The following MARCHF4 variants were observed in gnomAD, a reference collection of about 807,000 sequenced individuals.
MARCHF4 encodes membrane associated ring-CH-type finger 4, also known as E3 ubiquitin-protein ligase MARCHF4.
In MARCHF4, 14 loss-of-function variants were observed where a neutral mutation model predicts 43.9. The ratio of observed to expected loss-of-function variants is 0.32; its 90% CI spans 0.21 to 0.50. The LOEUF (loss-of-function observed/expected upper bound fraction) is 0.50. MARCHF4 is among the 20% of genes least tolerant of loss of function. The pLI, the probability that MARCHF4 is intolerant of heterozygous loss-of-function variation, is 0.98. For synonymous variants in MARCHF4, 226 were observed against 213.3 expected (o/e 1.06, Z -0.52); for missense variants, 468 against 536.7 (o/e 0.87, Z 1.27).
intron 1 of MARCHF4, among the ~76,000 whole-genome samples, chr2:216,318,334 G>A (rs1488982439): frequency 6.6e-6 from 1 of 152,252 alleles, no homozygotes; most frequent in Admixed American, 6.5e-5. Context: ...AACTGCTGTA[G>A]GGGACGGGGA....
chr2:216,317,011 G>A (rs1691788682), intron 1 of MARCHF4, among the ~76,000 whole-genome samples: 1 of 152,152 alleles, frequency 6.6e-6, no homozygotes, highest in African/African-American at 2.4e-5. Context: ...GCAAGGGAGG[G>A]AAAGGATGAG....
At chr2:216,340,483 A>G (rs984911812) in intron 1 of MARCHF4, among the ~76,000 whole-genome samples, 20 of 152,176 alleles carry the variant, frequency 1.3e-4, no homozygotes, top group South Asian at 2.1e-4. Context: ...GCTTGAGTCA[A>G]CAAACCCCAT....
intron 1 of MARCHF4, among the ~76,000 whole-genome samples, chr2:216,333,960 ATTT>A (rs72435745): frequency 6.9e-6 from 1 of 144,028 alleles, no homozygotes; most frequent in Non-Finnish European, 1.5e-5. Context: ...GGCTGAAGTA[ATTT>A]TTTTTTTTTT....
intron 2 of MARCHF4, among the ~76,000 whole-genome samples, chr2:216,281,455 G>C (rs184926471): frequency 1.6e-3 from 239 of 152,312 alleles, no homozygotes; most frequent in Non-Finnish European, 2.0e-3. Flanking sequence ...GCAGAGGCAG[G>C]CCTGGGATTC....
At chr2:216,325,372 T>C (rs1227548250) in intron 1 of MARCHF4, among the ~76,000 whole-genome samples, 3 of 152,292 alleles carry the variant, frequency 2.0e-5, no homozygotes, top group African/African-American at 7.2e-5. Context: ...ATCAATATTG[T>C]GAAAATGGCC....
intron 2 of MARCHF4, among the ~76,000 whole-genome samples, chr2:216,283,336 A>G (rs1027134674): frequency 1.1e-4 from 16 of 151,012 alleles, no homozygotes; most frequent in African/African-American, 3.9e-4. Flanking sequence ...TTCCTTCTGT[A>G]TCTATTTCCC....
chr2:216,354,968 T>C (rs1161461387), intron 1 of MARCHF4, among the ~76,000 whole-genome samples: 2 of 142,228 alleles, frequency 1.4e-5, no homozygotes, highest in East Asian at 2.2e-4. Flanking sequence ...TCTTTCTTTC[T>C]TTCTTTCTTT....
chr2:216,288,371 C>G (rs947491660), intron 1 of MARCHF4, among the ~76,000 whole-genome samples: 1 of 152,174 alleles, frequency 6.6e-6, no homozygotes, highest in Admixed American at 6.5e-5. Context: ...TCTGTAAGAA[C>G]TTTAATTTCA....
At chr2:216,360,752 G>A (rs538944792) in intron 1 of MARCHF4, among the ~76,000 whole-genome samples, 1 of 152,280 alleles carries the variant, frequency 6.6e-6, no homozygotes, top group Non-Finnish European at 1.5e-5. Context: ...TGTAATCTAT[G>A]GACTTTGGGT....
intron 1 of MARCHF4, among the ~76,000 whole-genome samples, chr2:216,306,686 T>A (rs1691592069): frequency 6.6e-6 from 1 of 152,154 alleles, no homozygotes; most frequent in African/African-American, 2.4e-5. Flanking sequence ...ATTATCTCAT[T>A]TAATCCTACA....
intron 1 of MARCHF4, among the ~76,000 whole-genome samples, chr2:216,342,014 C>T (rs1315364406): frequency 6.6e-6 from 1 of 152,218 alleles, no homozygotes; most frequent in Non-Finnish European, 1.5e-5. Flanking sequence ...TCAGCAGTGG[C>T]CCATAATTGC....
In MARCHF4 at chr2:216,327,777, C is replaced by T. The variant is rs554480109; in HGVS notation, c.516+41968G>A. On this transcript the variant is annotated intron_variant, in intron 1 of 3. Transcript: ENST00000273067. ...CCTTGTTGAGAATGGCAGGATTTGA[C>T]CCAACTGAGATTGTGCCCAGGCAGA... is the stretch of plus-strand genomic sequence containing the variant. Among the ~76,000 whole-genome samples the T allele has an allele frequency of 2.0e-5, 3 of 152,216 alleles. No homozygotes were observed. In the South Asian group the frequency reaches 6.2e-4, roughly 32 times the overall value.
At chr2:216,361,326 G>A (rs948253775) in intron 1 of MARCHF4, among the ~76,000 whole-genome samples, 26 of 152,236 alleles carry the variant, frequency 1.7e-4, no homozygotes, top group African/African-American at 5.1e-4. Context: ...GGGGATCAAC[G>A]TTATTTAAAA....
chr2:216,332,317 G>C (rs1439965731), intron 1 of MARCHF4, among the ~76,000 whole-genome samples: 7 of 151,546 alleles, frequency 4.6e-5, no homozygotes, highest in Admixed American at 4.6e-4. Flanking sequence ...GCTTGAACCC[G>C]GGAGGTGGAA....
At chr2:216,262,087 T>G (rs1690750845) in intron 3 of MARCHF4, among the ~76,000 whole-genome samples, 1 of 152,198 alleles carries the variant, frequency 6.6e-6, no homozygotes, top group African/African-American at 2.4e-5. Context: ...CACATATATT[T>G]TTTTTCCCAT....
chr2:216,361,035 T>A (rs1197958341), intron 1 of MARCHF4, among the ~76,000 whole-genome samples: 1 of 152,130 alleles, frequency 6.6e-6, no homozygotes, highest in African/African-American at 2.4e-5. Flanking sequence ...CTCTGTACTT[T>A]CTGTTCAATT....
chr2:216,268,975 G>T (rs957836135), intron 3 of MARCHF4, among the ~76,000 whole-genome samples: 1 of 152,036 alleles, frequency 6.6e-6, no homozygotes, highest in African/African-American at 2.4e-5. Context: ...GAGGACAGGG[G>T]CCAGGCATCT....
chr2:216,284,174 C>T (rs1691182085), intron 1 of MARCHF4, among the ~76,000 whole-genome samples: 1 of 152,046 alleles, frequency 6.6e-6, no homozygotes, highest in Admixed American at 6.5e-5. Context: ...GGATCAGACC[C>T]AAGCTAAAGG....
At chr2:216,367,405 T>G (rs1397602779) in intron 1 of MARCHF4, among the ~76,000 whole-genome samples, 1 of 151,490 alleles carries the variant, frequency 6.6e-6, no homozygotes, top group Non-Finnish European at 1.5e-5. Context: ...TTTTCTAGAG[T>G]TTCCCTTATC....
Sources: allele counts gnomAD v4.1 joint callset (sites outside exome capture counted in the v4.1 genomes callset), GRCh38; gene constraint gnomAD v4.1.1; transcripts MANE v1.5; gene names NCBI Gene and HGNC (gene_info 2026-07-23, HGNC 2026-07-21).